The following AGAP1 variants were observed in gnomAD, a reference collection of about 807,000 sequenced individuals.
AGAP1 encodes ArfGAP with GTPase domain, ankyrin repeat and PH domain 1.
A neutral mutation model predicts 105.3 loss-of-function variants in AGAP1; 29 were observed. The ratio of observed to expected loss-of-function variants is 0.28; its 90% CI spans 0.21 to 0.38. AGAP1 has a LOEUF of 0.38. Among genes scored for constraint, AGAP1 ranks in the 10% least tolerant of loss-of-function variants. The pLI is 1.00. For synonymous variants in AGAP1, 509 were observed against 485.9 expected (o/e 1.05, Z -0.63); for missense variants, 998 against 1,165.1 (o/e 0.86, Z 2.09).
intron 16 of AGAP1, among the ~76,000 whole-genome samples, chr2:236,086,092 C>G (rs2058921214): frequency 6.6e-6 from 1 of 152,356 alleles, no homozygotes; most frequent in East Asian, 1.9e-4. Context: ...CTTTTCCCCC[C>G]TCCTCCTGCT....
chr2:235,980,732 G>A (rs1039248171), intron 13 of AGAP1, among the ~76,000 whole-genome samples: 4 of 152,138 alleles, frequency 2.6e-5, no homozygotes, highest in Non-Finnish European at 4.4e-5. Flanking sequence ...TTGAGTGGTC[G>A]CTCCGTGTGA....
Position 235,633,074 on chromosome 2 carries a change from C to T in AGAP1, c.164-76105C>T, listed in dbSNP as rs1374692658. On this transcript the variant is annotated intron_variant, in intron 1 of 17. Transcript: ENST00000304032. This position sits in a 1 kb window ranked among gnomAD's most constrained non-coding sequence, Gnocchi z 4.8. ...GTTCTGCTTTTGCTTGAACTTCTAG[C>T]GGCAGAAAGGGGGTGATCCCTTTCT... Among the ~76,000 whole-genome samples the T allele has an allele frequency of 2.6e-5, 4 of 152,004 alleles. No homozygotes were observed. The highest frequency in any genetic ancestry group is 2.1e-4 in the South Asian group (1 of 4,802).
rs949462568 is a variant in AGAP1, at chr2:235,893,379, G to A, written c.1155+9930G>A. Among the ~76,000 whole-genome samples the A allele has an allele frequency of 6.6e-6, 1 of 151,704 alleles. No individual in the cohort carries two copies. Among genetic ancestry groups the A allele is most frequent in the African/African-American group, 2.4e-5 (1 of 41,272 alleles). The stretch of plus-strand genomic sequence containing the variant: ...TGTGCCGTGTCCATCATAGGGGTGT[G>A]CTGTGTCTGTGGCGTGGGTGTAGCG... On this transcript the variant is annotated intron_variant, in intron 10 of 17. Coordinates refer to ENST00000304032, the MANE Select transcript of AGAP1 (RefSeq NM_001037131.3). The surrounding 1 kb of genome is among the most constrained non-coding windows in gnomAD (Gnocchi z 4.7).
At chr2:235,899,210 T>C (rs1446957709) in intron 10 of AGAP1, among the ~76,000 whole-genome samples, 1 of 152,200 alleles carries the variant, frequency 6.6e-6, no homozygotes, top group Non-Finnish European at 1.5e-5. Context: ...TATGCTCTGC[T>C]GTCTTAAAAC....
chr2:235,627,341 C>T (rs1283520136), intron 1 of AGAP1, among the ~76,000 whole-genome samples: 2 of 151,814 alleles, frequency 1.3e-5, no homozygotes, highest in African/African-American at 2.4e-5. Flanking sequence ...TCTCCTGCCT[C>T]GGCCTCCTGA....
At chr2:236,026,390 C>A (rs77335828) in intron 13 of AGAP1, among the ~76,000 whole-genome samples, 4 of 152,202 alleles carry the variant, frequency 2.6e-5, no homozygotes, top group Admixed American at 6.5e-5. Context: ...TGTCCCCCAG[C>A]ATTTACCAGA....
chr2:235,949,167 G>T lies in AGAP1; in HGVS notation c.1483+18244G>T, dbSNP rs73996647. 9.2e-3 allele frequency among the ~76,000 whole-genome samples: 1,408 copies of T among 152,222 alleles called. 21 individuals are homozygous for T. The highest frequency in any genetic ancestry group is 0.032 in the African/African-American group (1,324 of 41,536). ...CTGATGTGCAGTCAAATACAGGAAG[G>T]CCCCTTCTTTCATACATGCACGTTG... is the stretch of plus-strand genomic sequence containing the variant. On this transcript the variant is annotated intron_variant, in intron 12 of 17. Coordinates refer to ENST00000304032, the MANE Select transcript of AGAP1 (RefSeq NM_001037131.3).
chr2:235,783,694 C>T (rs754158122), intron 6 of AGAP1, among the ~76,000 whole-genome samples: 2 of 152,058 alleles, frequency 1.3e-5, no homozygotes, highest in Non-Finnish European at 2.9e-5. Flanking sequence ...TGAAAGAAAT[C>T]GGAAGAATGG....
intron 16 of AGAP1, among the ~76,000 whole-genome samples, chr2:236,099,296 T>C (rs1003864876): frequency 1.3e-5 from 2 of 151,446 alleles, no homozygotes; most frequent in African/African-American, 4.9e-5. Flanking sequence ...ACTAAAAAAA[T>C]ACAAAAAAAT....
In AGAP1 at chr2:235,714,654, G is replaced by A. The variant is rs114808929; in HGVS notation, c.223-2903G>A. 2.6e-3 allele frequency among the ~76,000 whole-genome samples: 403 copies of A among 152,098 alleles called. 3 individuals carry two copies. Among genetic ancestry groups the A allele is most frequent in the Non-Finnish European group, 3.0e-3 (204 of 68,010 alleles). On this transcript the variant is annotated intron_variant, in intron 2 of 17. Transcript: ENST00000304032. The surrounding 1 kb of genome is among the most constrained non-coding windows in gnomAD (Gnocchi z 4.1). ...GATGAGTAGAGAGTGGGAGCGGCCAGGACTGGGTGACAGAGAACATTTGGA... is the reference window on the plus strand; with the variant it reads ...GATGAGTAGAGAGTGGGAGCGGCCAAGACTGGGTGACAGAGAACATTTGGA...
Position 236,082,621 on chromosome 2 carries a change from CCCAACA to C in AGAP1, c.2114+33342_2114+33347del, listed in dbSNP as rs1469877159. Reference sequence around the variant, plus strand: ...AGGTGCAACGGCTCACGCCTGTAATCCCAACACTTTGGGAGGCCAAGACGGGTGGAT... The same window carrying C: ...AGGTGCAACGGCTCACGCCTGTAATCCTTTGGGAGGCCAAGACGGGTGGAT... On this transcript the variant is annotated intron_variant, in intron 16 of 17. Coordinates refer to ENST00000304032, the MANE Select transcript of AGAP1 (RefSeq NM_001037131.3). This position sits in a 1 kb window ranked among gnomAD's most constrained non-coding sequence, Gnocchi z 4.2. 6.6e-6 allele frequency among the ~76,000 whole-genome samples: 1 copy of C among 152,266 alleles called. No individual in the cohort carries two copies. The highest frequency in any genetic ancestry group is 2.4e-5 in the African/African-American group (1 of 41,478).
At chr2:235,652,732 A>G (rs1947637204) in intron 1 of AGAP1, among the ~76,000 whole-genome samples, 1 of 151,082 alleles carries the variant, frequency 6.6e-6, no homozygotes, top group East Asian at 1.9e-4. Flanking sequence ...TCTCCCTTAA[A>G]AACACAAAAA....
intron 1 of AGAP1, among the ~76,000 whole-genome samples, chr2:235,498,840 C>A (rs1297112270): frequency 6.6e-6 from 1 of 152,176 alleles, no homozygotes; most frequent in Non-Finnish European, 1.5e-5. Context: ...CCCAGGCTCT[C>A]CACTGGCCTG....
chr2:235,603,689 T>G (rs543671767), intron 1 of AGAP1, among the ~76,000 whole-genome samples: 1 of 152,366 alleles, frequency 6.6e-6, no homozygotes, highest in East Asian at 1.9e-4. Flanking sequence ...TTCAGTGATT[T>G]GTTTTTCAAA....
At chr2:235,520,919 A>G (rs1942589644) in intron 1 of AGAP1, among the ~76,000 whole-genome samples, 1 of 152,194 alleles carries the variant, frequency 6.6e-6, no homozygotes, top group African/African-American at 2.4e-5. Flanking sequence ...GAAGCATTTC[A>G]GGAAGCCTTC....
At chr2:235,523,211 A>G (rs1942693328) in intron 1 of AGAP1, among the ~76,000 whole-genome samples, 1 of 152,080 alleles carries the variant, frequency 6.6e-6, no homozygotes, top group African/African-American at 2.4e-5. Flanking sequence ...CCATGACCTC[A>G]TCTAAACCTG....
intron 9 of AGAP1, among the ~76,000 whole-genome samples, chr2:235,822,124 G>A (rs927950907): frequency 2.6e-5 from 4 of 152,210 alleles, no homozygotes; most frequent in Non-Finnish European, 5.9e-5. Context: ...GATAAAGTTA[G>A]GGATGAATGT....
At position 236,092,593 on chromosome 2, in the gene AGAP1, C is replaced by T. The variant is rs552117135; in HGVS notation, c.2115-27599C>T. Among the ~76,000 whole-genome samples the T allele has an allele frequency of 6.6e-5, 10 of 152,182 alleles. No individual in the cohort carries two copies. The South Asian group carries it at 2.1e-3, about 32-fold the overall frequency. On this transcript the variant is annotated intron_variant, in intron 16 of 17. Transcript: ENST00000304032. This position sits in a 1 kb window ranked among gnomAD's most constrained non-coding sequence, Gnocchi z 4.7. ...ATTTTTATTAGAGACGGGGTTTCAC[C>T]GTGTTAGCCAGGATGGTCTCGATCT...
At chr2:235,564,487 A>G (rs1331563699) in intron 1 of AGAP1, among the ~76,000 whole-genome samples, 2 of 152,184 alleles carry the variant, frequency 1.3e-5, no homozygotes, top group East Asian at 3.8e-4. Flanking sequence ...TATATCTTCA[A>G]GTGCTACTCC....
Sources: gnomAD v4.1 joint callset for allele counts (sites outside exome capture counted in the v4.1 genomes callset) on GRCh38, gnomAD v4.1.1 for gene constraint, Gnocchi (gnomAD v3.1) non-coding constraint, MANE v1.5 for transcripts, NCBI Gene and HGNC (gene_info 2026-07-23, HGNC 2026-07-21) for gene names.